EIF4G3: variants seen among roughly 807,000 people sequenced by gnomAD.
EIF4G3 encodes the protein eukaryotic translation initiation factor 4 gamma 3, also known as eIF-4-gamma 3.
Under a neutral mutation model 186.4 loss-of-function variants are expected in EIF4G3, and 34 were observed. The ratio of observed to expected loss-of-function variants is 0.18; its 90% CI spans 0.14 to 0.24. The LOEUF (loss-of-function observed/expected upper bound fraction) is 0.24, where lower values mean the gene tolerates loss of function less well. Among genes scored for constraint, EIF4G3 ranks in the 10% least tolerant of loss-of-function variants. The pLI is 1.00. For missense variants in EIF4G3, 1,536 were observed against 1,948.5 expected, an observed-to-expected ratio of 0.79 and a Z score of 3.99; for synonymous variants, 673 against 679.5, an observed-to-expected ratio of 0.99 and a Z score of 0.15.
intron 34 of EIF4G3, among the ~76,000 whole-genome samples, chr1:20,814,431 A>AT (rs2059934667): frequency 1.3e-5 from 2 of 152,184 alleles, no homozygotes; most frequent in African/African-American, 4.8e-5. Context: ...ATACAGTGTT[A>AT]TGTACTTGTA....
Position 21,117,736 on chromosome 1 carries a change from T to TAAAAAAAAAAAA in EIF4G3, c.-271-28535_-271-28524dup, listed in dbSNP as rs71014156. ...GGCCTTTCACTGTCCCAGTATATAG[T>TAAAAAAAAAAAA]AAAAAAAAAAAAAAAAAAAAAAAAA... is the stretch of plus-strand genomic sequence containing the variant. On this transcript the variant is annotated intron_variant, in intron 2 of 36. Coordinates refer to ENST00000602326, the MANE Select transcript of EIF4G3 (RefSeq NM_001391906.1). 7.2e-3 allele frequency among the ~76,000 whole-genome samples: 525 copies of TAAAAAAAAAAAA among 73,040 alleles called. 11 individuals carry two copies. Among genetic ancestry groups the TAAAAAAAAAAAA allele is most frequent in the Non-Finnish European group, 9.8e-3 (375 of 38,360 alleles). The allele number at this position is 73,040 out of a possible 152,430, so 47.9% of individuals were successfully genotyped here. A position where few individuals can be genotyped will look rare whatever the true frequency, so the allele number is the denominator to read the frequency against.
rs1571221338 is a variant in EIF4G3 at position 21,024,311 on chromosome 1, T to C, written c.-66-21503A>G. 3.3e-5 allele frequency among the ~76,000 whole-genome samples: 5 copies of C among 149,428 alleles called. No homozygotes were observed. In the South Asian group the frequency reaches 1.1e-3, roughly 32 times the overall value. On this transcript the variant is annotated intron_variant, in intron 4 of 36. Coordinates refer to ENST00000602326, the MANE Select transcript of EIF4G3 (RefSeq NM_001391906.1). ...CCTACTGGGAAGTGAAGAGCCCCTCTGCCCGGCCAGCCGCCCCGACCGTGA... is the reference window on the plus strand; with the variant it reads ...CCTACTGGGAAGTGAAGAGCCCCTCCGCCCGGCCAGCCGCCCCGACCGTGA...
intron 17 of EIF4G3, among the ~76,000 whole-genome samples, chr1:20,894,535 A>G (rs551165293): frequency 1.3e-5 from 2 of 152,232 alleles, no homozygotes; most frequent in African/African-American, 2.4e-5. Context: ...TTTATGCCGG[A>G]GGCTGCAAAT....
intron 2 of EIF4G3, among the ~76,000 whole-genome samples, chr1:21,117,159 A>G (rs1387751362): frequency 2.6e-5 from 4 of 152,162 alleles, no homozygotes; most frequent in Admixed American, 2.6e-4. Context: ...TCTTAAGGAG[A>G]TATGTCAATC....
chr1:21,104,070 G>A (rs973464017), intron 2 of EIF4G3, among the ~76,000 whole-genome samples: 1 of 152,086 alleles, frequency 6.6e-6, no homozygotes, highest in African/African-American at 2.4e-5. Flanking sequence ...GCCATAAATT[G>A]CTCTGAGTAT....
chr1:21,155,986 G>A (rs777950287), intron 2 of EIF4G3, among the ~76,000 whole-genome samples: 10 of 151,996 alleles, frequency 6.6e-5, no homozygotes, highest in Non-Finnish European at 1.2e-4. Flanking sequence ...AATTAGCTGG[G>A]CGTGGTGGCA....
intron 2 of EIF4G3, among the ~76,000 whole-genome samples, chr1:21,169,512 G>A (rs1217994699): frequency 6.6e-6 from 1 of 152,088 alleles, no homozygotes; most frequent in Non-Finnish European, 1.5e-5. Context: ...ATAAGATTAT[G>A]AGTGATTTTT....
intron 18 of EIF4G3, among the ~76,000 whole-genome samples, chr1:20,886,637 A>G (rs1034477059): frequency 1.3e-5 from 2 of 152,236 alleles, no homozygotes; most frequent in Admixed American, 1.3e-4. Flanking sequence ...AATGAGAAAG[A>G]CTAGTCCTAA....
intron 11 of EIF4G3, among the ~76,000 whole-genome samples, chr1:20,970,058 G>C (rs1383130782): frequency 6.6e-6 from 1 of 151,988 alleles, no homozygotes; most frequent in African/African-American, 2.4e-5. Context: ...CCGCCACCCA[G>C]GTTCAAGCGA....
At chr1:20,946,485 T>C (rs1462246893) in intron 13 of EIF4G3, among the ~76,000 whole-genome samples, 1 of 152,188 alleles carries the variant, frequency 6.6e-6, no homozygotes, top group Non-Finnish European at 1.5e-5. Flanking sequence ...GCCAAACAAA[T>C]GTAAAATGGT....
intron 3 of EIF4G3, among the ~76,000 whole-genome samples, chr1:21,052,862 C>T (rs1196290970): frequency 2.0e-5 from 3 of 152,372 alleles, no homozygotes; most frequent in East Asian, 1.9e-4. Flanking sequence ...GGATGGCAGA[C>T]GGAGTCTCGT....
At chr1:20,827,831 A>G in intron 31 of EIF4G3, 133 bp from the exon 32 acceptor site, 2 of 498,080 alleles carry the variant, frequency 4.0e-6, no homozygotes, top group South Asian at 6.0e-5. Flanking sequence ...AAGCTCCAGG[A>G]CATGCTCTAA....
At chr1:20,812,886 TA>T (rs1326688892) in intron 35 of EIF4G3, among the ~76,000 whole-genome samples, 1 of 152,090 alleles carries the variant, frequency 6.6e-6, no homozygotes, top group Non-Finnish European at 1.5e-5. Context: ...AGTGAAAAGA[TA>T]AAGAAAAAGC....
chr1:20,967,992 T>A (rs930183493), intron 12 of EIF4G3, among the ~76,000 whole-genome samples: 1 of 152,188 alleles, frequency 6.6e-6, no homozygotes, highest in Non-Finnish European at 1.5e-5. Context: ...AGGATCTTGC[T>A]ATGTTGCCCA....
At chr1:20,910,278 T>C (rs1224787328) in intron 14 of EIF4G3, among the ~76,000 whole-genome samples, 1 of 151,978 alleles carries the variant, frequency 6.6e-6, no homozygotes, top group Non-Finnish European at 1.5e-5. Context: ...TATTCAAAAG[T>C]AAATAGGAAC....
chr1:20,978,223 A>T (rs2077237751), intron 10 of EIF4G3, among the ~76,000 whole-genome samples: 1 of 152,220 alleles, frequency 6.6e-6, no homozygotes, highest in South Asian at 2.1e-4. Flanking sequence ...GACAAAGGTA[A>T]GTCCAAGGAT....
At chr1:21,113,146 CAAAAAAAAAAAA>C (rs5772939) in intron 2 of EIF4G3, among the ~76,000 whole-genome samples, 16 of 51,466 alleles carry the variant, frequency 3.1e-4, no homozygotes, top group Admixed American at 6.5e-4. Context: ...GGCCCTATCT[CAAAAAAAAAAAA>C]AAAAAAAAAA....
intron 13 of EIF4G3, among the ~76,000 whole-genome samples, chr1:20,948,793 G>A (rs2096077067): frequency 6.6e-6 from 1 of 151,846 alleles, no homozygotes; most frequent in Admixed American, 6.6e-5. Context: ...CAGATCATTT[G>A]AGGTCAGGAA....
intron 12 of EIF4G3, among the ~76,000 whole-genome samples, chr1:20,950,420 G>T (rs1292625326): frequency 6.6e-6 from 1 of 152,044 alleles, no homozygotes; most frequent in East Asian, 1.9e-4. Context: ...AGGACAAGCC[G>T]ACTTGTCAAC....
Sources: gnomAD v4.1 joint callset for allele counts (sites outside exome capture counted in the v4.1 genomes callset) on GRCh38, gnomAD v4.1.1 for gene constraint, MANE v1.5 for transcripts, NCBI Gene and HGNC (gene_info 2026-07-23, HGNC 2026-07-21) for gene names.